Variants in TSGA10 observed in about 807,000 individuals in gnomAD.
TSGA10 encodes testis-specific gene 10 protein.
In TSGA10, 43 loss-of-function variants were observed where a neutral mutation model predicts 96.6. The ratio of observed to expected loss-of-function variants is 0.44; its 90% CI spans 0.35 to 0.57. The LOEUF is 0.57. Among genes scored for constraint, TSGA10 ranks in the 20% least tolerant of loss-of-function variants. The pLI is 0.01. For missense variants in TSGA10, 703 were observed against 834.4 expected (o/e 0.84, Z 1.94); for synonymous variants, 229 against 269.9 (o/e 0.85, Z 1.48).
chr2:99,013,959 C>G (rs1378499542), intron 20 of TSGA10, among the ~76,000 whole-genome samples: 1 of 151,940 alleles, frequency 6.6e-6, no homozygotes, highest in Admixed American at 6.6e-5. Flanking sequence ...TCAAGACCAG[C>G]CTGGACAACA....
chr2:99,036,498 T>C (rs946874056), intron 16 of TSGA10, among the ~76,000 whole-genome samples: 3 of 152,000 alleles, frequency 2.0e-5, no homozygotes, highest in Non-Finnish European at 4.4e-5. Flanking sequence ...AATAACTATA[T>C]AAATACATAC....
At chr2:99,002,030 G>A (rs576674873) in intron 20 of TSGA10, among the ~76,000 whole-genome samples, 7 of 152,310 alleles carry the variant, frequency 4.6e-5, no homozygotes, top group East Asian at 1.9e-4. Context: ...TGAAAGTGAC[G>A]GGGAGAATGG....
intron 10 of TSGA10, among the ~76,000 whole-genome samples, chr2:99,090,458 G>C (rs2089183099): frequency 6.6e-6 from 1 of 151,912 alleles, no homozygotes; most frequent in Non-Finnish European, 1.5e-5. Context: ...GAATTCAGAA[G>C]GTCAGTTATT....
At chr2:99,058,134 G>A (rs1319217926) in intron 16 of TSGA10, among the ~76,000 whole-genome samples, 1 of 152,116 alleles carries the variant, frequency 6.6e-6, no homozygotes, top group Non-Finnish European at 1.5e-5. Flanking sequence ...CCTAATGGAG[G>A]GTTTGGTGGT....
chr2:99,034,054 A>C (rs2081377816), intron 17 of TSGA10, among the ~76,000 whole-genome samples: 1 of 152,174 alleles, frequency 6.6e-6, no homozygotes, highest in Admixed American at 6.5e-5. Flanking sequence ...ATGGATCTGC[A>C]ACCCATTTGT....
intron 10 of TSGA10, among the ~76,000 whole-genome samples, chr2:99,094,735 C>CA (rs1470335538): frequency 1.3e-5 from 2 of 151,942 alleles, no homozygotes; most frequent in African/African-American, 2.4e-5. Flanking sequence ...TGGCCATAAT[C>CA]AAAAAAATTA....
At chr2:99,017,665 T>A (rs1300575884) in intron 20 of TSGA10, among the ~76,000 whole-genome samples, 1 of 149,402 alleles carries the variant, frequency 6.7e-6, no homozygotes, top group Non-Finnish European at 1.5e-5. Flanking sequence ...CTTGGGAGGC[T>A]GAGGCAGGAG....
Position 99,109,424 on chromosome 2 carries a change from A to G in TSGA10, c.16T>C (p.Ser6Pro), listed in dbSNP as rs2091627952. 6.2e-7 allele frequency: 1 copy of G among 1,613,894 alleles called. No homozygotes were observed. Among genetic ancestry groups the G allele is most frequent in the Non-Finnish European group, 8.5e-7 (1 of 1,179,912 alleles). The change falls in exon 6 of 21, where the codon TCT becomes CCT. Residue 6 changes from serine to proline, a missense_variant. Coordinates refer to ENST00000393483, the MANE Select transcript of TSGA10 (RefSeq NM_025244.4). MMRSR[S>P]KSPRRPSPTA... ...GGTGATGGGCGTCTTGGACTTTTAG[A>G]CCTACTTCGCATCATCTTTCTCAAA...
chr2:99,114,144 A>T (rs2092048822), intron 4 of TSGA10, among the ~76,000 whole-genome samples: 1 of 152,122 alleles, frequency 6.6e-6, no homozygotes, highest in Non-Finnish European at 1.5e-5. Flanking sequence ...TTAGCCTCAG[A>T]CTCTACCTCC....
chr2:99,098,451 A>AAG (rs2090324427), intron 10 of TSGA10, among the ~76,000 whole-genome samples: 1 of 128,622 alleles, frequency 7.8e-6, no homozygotes, highest in Admixed American at 8.8e-5. Context: ...AAAAAAAAAA[A>AAG]AAAAGAAAAG....
chr2:99,046,213 C>T (rs949288148), intron 16 of TSGA10, among the ~76,000 whole-genome samples: 16 of 152,100 alleles, frequency 1.1e-4, no homozygotes, highest in African/African-American at 2.9e-4. Context: ...CAGCTCTGCA[C>T]CAAGCAGACC....
intron 1 of TSGA10, chr2:99,150,722 A>C: frequency 1.2e-6 from 2 of 1,614,092 alleles, no homozygotes; most frequent in Non-Finnish European, 1.7e-6. Context: ...ACAAATCAAG[A>C]AAACTTTACA....
chr2:99,101,134 G>A (rs1275845048), intron 10 of TSGA10, among the ~76,000 whole-genome samples: 11 of 148,910 alleles, frequency 7.4e-5, no homozygotes, highest in East Asian at 4.0e-4. Flanking sequence ...GCGTGGTGGC[G>A]GGCACCTGCT....
intron 12 of TSGA10, among the ~76,000 whole-genome samples, chr2:99,075,317 G>C (rs2086573484): frequency 6.6e-6 from 1 of 152,072 alleles, no homozygotes; most frequent in Admixed American, 6.5e-5. Context: ...CATGTTAACT[G>C]TCAAAATTCA....
intron 20 of TSGA10, among the ~76,000 whole-genome samples, chr2:99,002,716 T>G (rs1301142669): frequency 6.6e-6 from 1 of 152,064 alleles, no homozygotes; most frequent in African/African-American, 2.4e-5. Context: ...TCAAGACCCA[T>G]CAGTGTGCTG....
intron 1 of TSGA10, among the ~76,000 whole-genome samples, chr2:99,138,333 C>T (rs2093407116): frequency 1.3e-5 from 2 of 152,196 alleles, no homozygotes; most frequent in Non-Finnish European, 1.5e-5. Flanking sequence ...TTGCACTTAT[C>T]ACTACTTGAA....
chr2:99,078,886 A>G (rs1260025743), intron 11 of TSGA10, 73 bp from the exon 12 acceptor site: 21 of 1,254,444 alleles, frequency 1.7e-5, no homozygotes, highest in Non-Finnish European at 1.4e-5. Flanking sequence ...AGATTATCGT[A>G]CTTTTTGAAC....
At chr2:99,146,112 G>A (rs1279692663) in intron 1 of TSGA10, among the ~76,000 whole-genome samples, 3 of 152,098 alleles carry the variant, frequency 2.0e-5, no homozygotes, top group Admixed American at 1.3e-4. Context: ...GCGAAACATC[G>A]TCTCTACTAA....
intron 15 of TSGA10, 43 bp downstream of exon 15, chr2:99,068,845 G>T: frequency 1.0e-6 from 1 of 993,450 alleles, no homozygotes; most frequent in Non-Finnish European, 1.4e-6. Flanking sequence ...TAACTCTAGT[G>T]AAAACTAAGT....
Sources: gnomAD v4.1 joint callset for allele counts (sites outside exome capture counted in the v4.1 genomes callset) on GRCh38, gnomAD v4.1.1 for gene constraint, MANE v1.5 for transcripts, NCBI Gene and HGNC (gene_info 2026-07-23, HGNC 2026-07-21) for gene names.